The following EYA2 variants were observed in gnomAD, a reference collection of about 807,000 sequenced individuals.
EYA2 encodes the protein protein phosphatase EYA2.
Under a neutral mutation model 69.2 loss-of-function variants are expected in EYA2, and 31 were observed. That is an observed-to-expected ratio of 0.45 (90% CI 0.34 to 0.60). EYA2 has a LOEUF of 0.60. Among genes scored for constraint, EYA2 ranks in the 20% least tolerant of loss-of-function variants. EYA2 has a pLI of 0.02. For synonymous variants in EYA2, 257 were observed against 279.4 expected (o/e 0.92, Z 0.80); for missense variants, 622 against 701.2 (o/e 0.89, Z 1.28).
intron 5 of EYA2, among the ~76,000 whole-genome samples, chr20:47,060,851 CTTTTTTTTTT>C (rs35809050): frequency 1.6e-5 from 2 of 125,700 alleles, no homozygotes; most frequent in South Asian, 2.6e-4. Context: ...CTCTCTCTCT[CTTTTTTTTTT>C]TTTTTTTTTT....
chr20:47,170,444 C>T (rs1237923627), intron 11 of EYA2, among the ~76,000 whole-genome samples: 29 of 151,682 alleles, frequency 1.9e-4, no homozygotes, highest in African/African-American at 4.8e-4. Flanking sequence ...GTCAGGAGTT[C>T]GAGACCAGCC....
At chr20:47,051,499 A>G (rs1305644435) in intron 5 of EYA2, among the ~76,000 whole-genome samples, 1 of 152,236 alleles carries the variant, frequency 6.6e-6, no homozygotes, top group Non-Finnish European at 1.5e-5. Flanking sequence ...TTCTAATCCC[A>G]GTTTTGCTCA....
chr20:47,156,121 CACACACATATATATATAT>C (rs2033932264), intron 10 of EYA2, among the ~76,000 whole-genome samples: 2 of 24,382 alleles, frequency 8.2e-5, no homozygotes, highest in Admixed American at 6.5e-4. Flanking sequence ...CACACACACA[CACACACATATATATATAT>C]ATATATATAT....
chr20:47,176,351 A>G (rs1417256040), intron 12 of EYA2, among the ~76,000 whole-genome samples: 1 of 152,024 alleles, frequency 6.6e-6, no homozygotes, highest in East Asian at 1.9e-4. Context: ...AAGTACTGGG[A>G]TTACAGGTAT....
intron 1 of EYA2, among the ~76,000 whole-genome samples, chr20:46,921,525 A>G (rs1600545497): frequency 6.6e-6 from 1 of 152,246 alleles, no homozygotes; most frequent in African/African-American, 2.4e-5. Flanking sequence ...TGACCTCCCC[A>G]TGGGCAGTCA....
At chr20:47,028,825 T>C (rs1016943142) in intron 5 of EYA2, among the ~76,000 whole-genome samples, 6 of 152,202 alleles carry the variant, frequency 3.9e-5, no homozygotes, top group African/African-American at 1.4e-4. Context: ...TGTGTGAAGA[T>C]GGCTGGGTGG....
chr20:47,072,020 G>A, intron 5 of EYA2, 165 bp from the exon 6 acceptor site: 2 of 673,154 alleles, frequency 3.0e-6, no homozygotes, highest in Non-Finnish European at 5.3e-6. Flanking sequence ...CACCTGGGTT[G>A]CTTTGGGAAC....
chr20:47,067,623 A>C (rs751994510), intron 5 of EYA2, among the ~76,000 whole-genome samples: 41 of 152,198 alleles, frequency 2.7e-4, no homozygotes, highest in Non-Finnish European at 5.6e-4. Flanking sequence ...AAAAAATTTA[A>C]TGTAACGAAC....
At chr20:46,907,567 A>T (rs1431682240) in intron 1 of EYA2, among the ~76,000 whole-genome samples, 1 of 152,218 alleles carries the variant, frequency 6.6e-6, no homozygotes, top group Non-Finnish European at 1.5e-5. Context: ...GGCCAGGCGC[A>T]GTGGCTCACA....
chr20:47,065,260 C>A (rs1036227655), intron 5 of EYA2, among the ~76,000 whole-genome samples: 2 of 152,190 alleles, frequency 1.3e-5, no homozygotes, highest in African/African-American at 4.8e-5. Context: ...CACCTCCAGG[C>A]ACCATATTAC....
At chr20:46,958,415 A>AT (rs962751891) in intron 1 of EYA2, among the ~76,000 whole-genome samples, 1 of 151,966 alleles carries the variant, frequency 6.6e-6, no homozygotes, top group African/African-American at 2.4e-5. Context: ...AAGTTTGGTG[A>AT]TTTTTTAAAT....
chr20:47,172,881 G>T lies in EYA2; in HGVS notation c.1198+14G>T, dbSNP rs780609160. On this transcript the variant is annotated intron_variant, in intron 12 of 15. Coordinates refer to ENST00000327619, the MANE Select transcript of EYA2 (RefSeq NM_005244.5). ...ACAACGTTGGTGGTGAGTACTGTGAGCCTTGGGCCTCCGAGGAAGGGAAAC... is the reference window on the plus strand; with the variant it reads ...ACAACGTTGGTGGTGAGTACTGTGATCCTTGGGCCTCCGAGGAAGGGAAAC... The T allele has an allele frequency of 6.3e-7, 1 of 1,595,442 alleles. No homozygotes were observed. Among genetic ancestry groups the T allele is most frequent in the South Asian group, 1.1e-5 (1 of 88,892 alleles).
At chr20:47,103,313 A>G (rs559738573) in intron 9 of EYA2, among the ~76,000 whole-genome samples, 1 of 152,108 alleles carries the variant, frequency 6.6e-6, no homozygotes, top group Admixed American at 6.6e-5. Flanking sequence ...TTCTTTCTCT[A>G]CAGATTTGCC....
chr20:47,041,456 A>G (rs953223821), intron 5 of EYA2, among the ~76,000 whole-genome samples: 2 of 152,232 alleles, frequency 1.3e-5, no homozygotes, highest in African/African-American at 2.4e-5. Context: ...ACGACTAAGC[A>G]TACATGTATA....
intron 10 of EYA2, among the ~76,000 whole-genome samples, chr20:47,149,943 C>T (rs969241505): frequency 1.3e-5 from 2 of 152,212 alleles, no homozygotes; most frequent in Non-Finnish European, 2.9e-5. Flanking sequence ...GCCTTCCTTG[C>T]TCTCCCTTGC....
chr20:46,944,102 C>T (rs1448999655), intron 1 of EYA2, among the ~76,000 whole-genome samples: 1 of 152,146 alleles, frequency 6.6e-6, no homozygotes, highest in Non-Finnish European at 1.5e-5. Flanking sequence ...TGCTCTGCTC[C>T]CCCTGGATGG....
rs182994736 is a variant in EYA2 at position 47,081,739 on chromosome 20, A to G, written c.661+7404A>G. Reference sequence around the variant, plus strand: ...GGTTGCAGCGAGCCAAGATTTTACCACTGCACTCCAGCCTGGGTGACAAAG... The same window carrying G: ...GGTTGCAGCGAGCCAAGATTTTACCGCTGCACTCCAGCCTGGGTGACAAAG... On this transcript the variant is annotated intron_variant, in intron 7 of 15. Coordinates refer to ENST00000327619, the MANE Select transcript of EYA2 (RefSeq NM_005244.5). Among the ~76,000 whole-genome samples, 442 of 147,546 alleles carry G rather than the reference A, an allele frequency of 3.0e-3. 3 individuals are homozygous for G. Among genetic ancestry groups the G allele is most frequent in the African/African-American group, 0.01 (418 of 40,206 alleles).
In EYA2 at chr20:47,169,687, G is replaced by A. The variant is rs182973435; in HGVS notation, c.1037+490G>A. On this transcript the variant is annotated intron_variant, in intron 11 of 15. Coordinates refer to ENST00000327619, the MANE Select transcript of EYA2 (RefSeq NM_005244.5). ...CCTCCCAAACTCACCACCATTAAGA[G>A]TTTAGTATATATTCTTCAAAGATCT... 2.1e-4 allele frequency among the ~76,000 whole-genome samples: 32 copies of A among 152,154 alleles called. 1 individual carries two copies. The highest frequency in any genetic ancestry group is 9.2e-4 in the Admixed American group (14 of 15,268).
intron 8 of EYA2, among the ~76,000 whole-genome samples, chr20:47,095,063 G>C (rs2032209485): frequency 6.6e-6 from 1 of 151,798 alleles, no homozygotes; most frequent in Admixed American, 6.6e-5. Flanking sequence ...TAAATAAATG[G>C]GATAAGTTAG....
Sources: allele counts gnomAD v4.1 joint callset (sites outside exome capture counted in the v4.1 genomes callset), GRCh38; gene constraint gnomAD v4.1.1; transcripts MANE v1.5; gene names NCBI Gene and HGNC (gene_info 2026-07-23, HGNC 2026-07-21).